TBC1D5: variants seen among roughly 807,000 people sequenced by gnomAD.
The protein encoded by TBC1D5 is TBC1 domain family, member 5.
Under a neutral mutation model 100.3 loss-of-function variants are expected in TBC1D5, and 75 were observed. The observed-to-expected ratio is 0.75, with a 90% confidence interval of 0.62 to 0.91. TBC1D5 has a LOEUF of 0.91. TBC1D5 is among the 40% of genes least tolerant of loss of function. The pLI, the probability that TBC1D5 is intolerant of heterozygous loss-of-function variation, is 0.00. For missense variants in TBC1D5, 910 were observed against 942.4 expected (o/e 0.97, Z 0.45); for synonymous variants, 323 against 325.6 (o/e 0.99, Z 0.09).
At chr3:17,601,992 G>A (rs959571205) in intron 2 of TBC1D5, among the ~76,000 whole-genome samples, 2 of 151,982 alleles carry the variant, frequency 1.3e-5, no homozygotes, top group African/African-American at 2.4e-5. Context: ...ACCACGCCTG[G>A]CTAATTTTTT....
At chr3:17,309,980 G>A (rs151032820) in intron 13 of TBC1D5, among the ~76,000 whole-genome samples, 7 of 152,086 alleles carry the variant, frequency 4.6e-5, no homozygotes, top group African/African-American at 1.7e-4. Flanking sequence ...CACAACTACA[G>A]TTAGGAATAC....
intron 13 of TBC1D5, among the ~76,000 whole-genome samples, chr3:17,339,360 G>C (rs1262628803): frequency 1.3e-5 from 2 of 152,178 alleles, no homozygotes; most frequent in Non-Finnish European, 2.9e-5. Context: ...CAAGTCCCCT[G>C]TGAGCAACAC....
intron 18 of TBC1D5, among the ~76,000 whole-genome samples, chr3:17,187,083 G>A (rs182855997): frequency 1.1e-3 from 163 of 152,260 alleles, no homozygotes; most frequent in African/African-American, 3.7e-3. Context: ...ACAGGAAACT[G>A]TAGGAATTAG....
chr3:17,458,773 T>C lies in TBC1D5; in HGVS notation c.98-30254A>G, dbSNP rs1208098029. Among the ~76,000 whole-genome samples, 3 of 152,226 alleles carry C rather than the reference T, an allele frequency of 2.0e-5. No individual in the cohort carries two copies. In the South Asian group the frequency reaches 6.2e-4, roughly 31 times the overall value. ...TGGGAGTGATGTCTTTCCAGCTCAC[T>C]ACATCTCTGATCAGAAACCGTAAGT... On this transcript the variant is annotated intron_variant, in intron 3 of 21. Coordinates refer to ENST00000253692, the Ensembl canonical transcript of TBC1D5.
intron 8 of TBC1D5, among the ~76,000 whole-genome samples, chr3:17,396,600 ATAAAT>A (rs2093512558): frequency 6.6e-6 from 1 of 152,072 alleles, no homozygotes; most frequent in Admixed American, 6.6e-5. Context: ...AAAAAAATCA[ATAAAT>A]TACTCAGTAA....
At chr3:17,440,451 C>G (rs1444117852) in intron 3 of TBC1D5, among the ~76,000 whole-genome samples, 1 of 152,022 alleles carries the variant, frequency 6.6e-6, no homozygotes, top group East Asian at 1.9e-4. Flanking sequence ...CATGGCAAAA[C>G]TCATATTTAC....
At chr3:17,732,187 G>A (rs1003744423) in intron 1 of TBC1D5, among the ~76,000 whole-genome samples, 1 of 151,874 alleles carries the variant, frequency 6.6e-6, no homozygotes, top group Admixed American at 6.6e-5. Context: ...GCATGGTGGT[G>A]GGCGCCTGTA....
intron 13 of TBC1D5, among the ~76,000 whole-genome samples, chr3:17,364,338 T>C (rs2091962386): frequency 6.6e-6 from 1 of 152,180 alleles, no homozygotes; most frequent in Non-Finnish European, 1.5e-5. Flanking sequence ...AAAAATTATT[T>C]GCTGAGTGTT....
chr3:17,188,571 C>G (rs1476767182), intron 18 of TBC1D5, among the ~76,000 whole-genome samples: 1 of 152,194 alleles, frequency 6.6e-6, no homozygotes, highest in East Asian at 1.9e-4. Context: ...TTTGCTTAAT[C>G]TTAAAACATT....
intron 1 of TBC1D5, chr3:17,672,522 T>C (rs1048226525): frequency 1.3e-5 from 2 of 152,066 alleles, no homozygotes; most frequent in Non-Finnish European, 2.9e-5. Context: ...AAAGCAAAAA[T>C]ATAAAAACTA....
chr3:17,354,311 C>T (rs2090974185), intron 13 of TBC1D5, among the ~76,000 whole-genome samples: 1 of 152,104 alleles, frequency 6.6e-6, no homozygotes, highest in Admixed American at 6.6e-5. Context: ...TCTTCATTTA[C>T]AAACCTCTCC....
chr3:17,273,028 T>C (rs1253577718), intron 15 of TBC1D5, among the ~76,000 whole-genome samples: 3 of 152,168 alleles, frequency 2.0e-5, no homozygotes, highest in Non-Finnish European at 4.4e-5. Flanking sequence ...TGCTTGACTT[T>C]TATTTTTTTA....
intron 1 of TBC1D5, among the ~76,000 whole-genome samples, chr3:17,690,774 A>G (rs940468266): frequency 1.3e-5 from 2 of 152,158 alleles, no homozygotes; most frequent in Non-Finnish European, 2.9e-5. Context: ...GTTTCATCCG[A>G]AAACCATATC....
chr3:17,634,215 C>T (rs2063717545), intron 1 of TBC1D5, among the ~76,000 whole-genome samples: 1 of 152,174 alleles, frequency 6.6e-6, no homozygotes, highest in Non-Finnish European at 1.5e-5. Context: ...AGCAATCCCA[C>T]TGCTGGGTAT....
At position 17,415,931 on chromosome 3, in the gene TBC1D5, G is replaced by T. The variant is rs1348637895; in HGVS notation, c.168-9405C>A. ...ATCTAACATTCTATAACATGATAAA[G>T]AATTTGCCTCACAGTCTGCAAATAT... On this transcript the variant is annotated intron_variant, in intron 4 of 21. Transcript: ENST00000253692. 3.3e-5 allele frequency among the ~76,000 whole-genome samples: 5 copies of T among 152,184 alleles called. 1 individual carries two copies. Among genetic ancestry groups the T allele is most frequent in the South Asian group, 4.1e-4 (2 of 4,822 alleles).
intron 1 of TBC1D5, among the ~76,000 whole-genome samples, chr3:17,639,084 TTAA>T (rs2064247558): frequency 6.6e-6 from 1 of 152,126 alleles, no homozygotes; most frequent in Non-Finnish European, 1.5e-5. Context: ...AGCAGATTTA[TTAA>T]TAATAGCCAA....
At chr3:17,343,923 TG>T (rs1298715031) in intron 13 of TBC1D5, among the ~76,000 whole-genome samples, 22 of 152,180 alleles carry the variant, frequency 1.4e-4, no homozygotes, top group Non-Finnish European at 2.8e-4. Context: ...AACCAGCTCC[TG>T]GATTCATTAA....
intron 15 of TBC1D5, among the ~76,000 whole-genome samples, chr3:17,288,954 G>A (rs1199842149): frequency 6.6e-6 from 1 of 152,210 alleles, no homozygotes; most frequent in Non-Finnish European, 1.5e-5. Context: ...GGGACTGACA[G>A]AGCTGTTAAC....
rs1386961565 is a variant in TBC1D5 at position 17,709,724 on chromosome 3, A to T, written c.-101+29619T>A. Among the ~76,000 whole-genome samples, 4 of 152,244 alleles carry T rather than the reference A, an allele frequency of 2.6e-5. No homozygotes were observed. In the East Asian group the frequency reaches 7.7e-4, roughly 29 times the overall value. On this transcript the variant is annotated intron_variant, in intron 1 of 21. Coordinates refer to ENST00000253692, the Ensembl canonical transcript of TBC1D5. ...GACAGAAAAGACCTTATTGTAGCTT[A>T]AAAAAAATTTTTTTTAATTAAAAAG...
Sources: gnomAD v4.1 joint callset for allele counts (sites outside exome capture counted in the v4.1 genomes callset) on GRCh38, gnomAD v4.1.1 for gene constraint, MANE v1.5 for transcripts, NCBI Gene and HGNC (gene_info 2026-07-23, HGNC 2026-07-21) for gene names.